Variants in MTUS2 observed in about 807,000 individuals in gnomAD.
The protein encoded by MTUS2 is microtubule-associated tumor suppressor candidate 2.
A neutral mutation model predicts 114.1 loss-of-function variants in MTUS2; 40 were observed. That is an observed-to-expected ratio of 0.35 (90% CI 0.27 to 0.46). MTUS2 has a LOEUF of 0.46. Ranked by LOEUF, MTUS2 falls within the 20% of genes least tolerant of loss-of-function variation. MTUS2 has a pLI of 1.00. For missense variants in MTUS2, 1,679 were observed against 1,705.4 expected (o/e 0.98, Z 0.27); for synonymous variants, 688 against 672.0 (o/e 1.02, Z -0.37).
At chr13:29,326,393 A>G (rs1270133145) in intron 7 of MTUS2, among the ~76,000 whole-genome samples, 1 of 152,242 alleles carries the variant, frequency 6.6e-6, no homozygotes, top group Non-Finnish European at 1.5e-5. Flanking sequence ...CTTATATTCT[A>G]GAGAAAGAGT....
intron 5 of MTUS2, among the ~76,000 whole-genome samples, chr13:29,118,362 C>T (rs185499374): frequency 6.6e-6 from 1 of 152,190 alleles, no homozygotes; most frequent in Non-Finnish European, 1.5e-5. Context: ...GGACACTGGG[C>T]TGGAACCTGG....
intron 2 of MTUS2, among the ~76,000 whole-genome samples, chr13:28,912,339 C>T (rs1880489895): frequency 6.6e-6 from 1 of 152,118 alleles, no homozygotes; most frequent in Non-Finnish European, 1.5e-5. Flanking sequence ...AGTCTTATTT[C>T]TGAGTTCTCT....
At position 29,359,370 on chromosome 13, in the gene MTUS2, G is replaced by A. The variant is rs770405692; in HGVS notation, c.3014G>A (p.Cys1005Tyr). The A allele has an allele frequency of 1.2e-6, 2 of 1,613,264 alleles. No individual in the cohort carries two copies. Among genetic ancestry groups the A allele is most frequent in the Admixed American group, 1.7e-5 (1 of 59,950 alleles). Residue 1005 changes from cysteine to tyrosine, a missense_variant, in exon 8 of 16, where the codon TGT becomes TAT. Physicochemically the swap from Cys to Tyr is radical, Grantham distance 194. Transcript: ENST00000612955. ...CTGGTGCTGCGGCTGAAGGAGCGGT[G>A]TGAGCAGCAGACCAGACAGCTGGGC... ...RQLVLRLKERCEQQTRQLGVA... is the reference protein window; with the variant it reads ...RQLVLRLKERYEQQTRQLGVA...
chr13:29,079,098 T>C (rs1336383084), intron 4 of MTUS2, among the ~76,000 whole-genome samples: 3 of 152,222 alleles, frequency 2.0e-5, no homozygotes, highest in Non-Finnish European at 4.4e-5. Flanking sequence ...TGTCTGTCTT[T>C]TTAATTATAG....
At chr13:28,966,810 C>A (rs1303879277) in intron 2 of MTUS2, among the ~76,000 whole-genome samples, 1 of 151,142 alleles carries the variant, frequency 6.6e-6, no homozygotes, top group African/African-American at 2.4e-5. Context: ...CGTTGCAAAC[C>A]TGGGCTTATA....
At chr13:29,034,210 A>C (rs1281936957) in intron 4 of MTUS2, 85 bp downstream of exon 4, 1 of 1,563,684 alleles carries the variant, frequency 6.4e-7, no homozygotes, top group Non-Finnish European at 8.8e-7. Flanking sequence ...CTAAAATATG[A>C]ATGCCTTTCA....
At chr13:29,206,619 T>C (rs1432730692) in intron 5 of MTUS2, among the ~76,000 whole-genome samples, 1 of 152,238 alleles carries the variant, frequency 6.6e-6, no homozygotes, top group East Asian at 1.9e-4. Context: ...TTCATTCTTC[T>C]GCATGCGGCT....
chr13:28,974,104 A>G (rs1185635575), intron 2 of MTUS2, among the ~76,000 whole-genome samples: 1 of 151,940 alleles, frequency 6.6e-6, no homozygotes, highest in Non-Finnish European at 1.5e-5. Flanking sequence ...TCTGTCTTTG[A>G]TGCTTGTGTG....
intron 8 of MTUS2, among the ~76,000 whole-genome samples, chr13:29,391,744 G>T (rs147609687): frequency 1.3e-5 from 2 of 151,638 alleles, no homozygotes; most frequent in East Asian, 1.9e-4. Flanking sequence ...CAAAAGCTAC[G>T]ATTAAAAGCT....
intron 9 of MTUS2, among the ~76,000 whole-genome samples, chr13:29,452,160 C>T (rs1381581888): frequency 6.6e-6 from 1 of 152,146 alleles, no homozygotes; most frequent in African/African-American, 2.4e-5. Context: ...TGCAAACTCC[C>T]TTAAATGTAC....
At chr13:28,941,983 A>G (rs1651320320) in intron 2 of MTUS2, among the ~76,000 whole-genome samples, 1 of 152,234 alleles carries the variant, frequency 6.6e-6, no homozygotes, top group African/African-American at 2.4e-5. Flanking sequence ...CATGAACATC[A>G]ATCTCATCAG....
chr13:29,046,217 A>G (rs1049980301), intron 4 of MTUS2, among the ~76,000 whole-genome samples: 1 of 151,558 alleles, frequency 6.6e-6, no homozygotes, highest in Non-Finnish European at 1.5e-5. Flanking sequence ...GGCTTGAGCA[A>G]TCCTCTCACC....
At chr13:28,923,107 T>A (rs528484190) in intron 2 of MTUS2, among the ~76,000 whole-genome samples, 1 of 152,354 alleles carries the variant, frequency 6.6e-6, no homozygotes, top group Admixed American at 6.5e-5. Context: ...CTCTCCTTTG[T>A]CATTTCTGCT....
intron 5 of MTUS2, among the ~76,000 whole-genome samples, chr13:29,116,029 A>G (rs1891073445): frequency 6.6e-6 from 1 of 152,210 alleles, no homozygotes; most frequent in Non-Finnish European, 1.5e-5. Context: ...GCATGTAGAT[A>G]TCTGTGAATA....
chr13:29,014,931 A>G (rs1442380550), intron 2 of MTUS2, among the ~76,000 whole-genome samples: 2 of 152,260 alleles, frequency 1.3e-5, no homozygotes, highest in East Asian at 3.8e-4. Context: ...TGCATTCTGC[A>G]TGGACTCTTC....
At chr13:29,032,248 G>A (rs1392044995) in intron 3 of MTUS2, among the ~76,000 whole-genome samples, 1 of 152,104 alleles carries the variant, frequency 6.6e-6, no homozygotes. Flanking sequence ...AAAATGACAG[G>A]CATTGAAGTT....
At position 29,024,712 on chromosome 13, in the gene MTUS2, T is replaced by C; in HGVS notation, c.14T>C (p.Val5Ala). MSVP[V>A]APKKSCYTQL... ...AAAGGGTTGACAATGAGCGTCCCAG[T>C]GGCTCCTAAGAAATCATGTTACACT... Residue 5 changes from valine to alanine, a missense_variant, in exon 3 of 16, where the codon GTG becomes GCG. Around this residue, in one of 3 missense-constraint regions of MTUS2, gnomAD observed 843 missense variants for 770.8 expected, o/e 1.09. Transcript: ENST00000612955. 1.2e-6 allele frequency: 2 copies of C among 1,613,912 alleles called. No individual in the cohort carries two copies. The highest frequency in any genetic ancestry group is 1.7e-6 in the Non-Finnish European group (2 of 1,179,844).
chr13:29,318,597 A>T (rs577516787), intron 6 of MTUS2, among the ~76,000 whole-genome samples: 3 of 152,204 alleles, frequency 2.0e-5, no homozygotes, highest in East Asian at 3.9e-4. Context: ...TCATGTTTTC[A>T]TGGCTCCTTT....
chr13:29,322,962 CAGT>C (rs1404192532), intron 6 of MTUS2, among the ~76,000 whole-genome samples: 1 of 152,116 alleles, frequency 6.6e-6, no homozygotes, highest in Non-Finnish European at 1.5e-5. Context: ...ACTTCAGTGT[CAGT>C]AGGGCATGGG....
Sources: gnomAD v4.1 joint callset for allele counts (sites outside exome capture counted in the v4.1 genomes callset) on GRCh38, gnomAD v4.1.1 for gene constraint, gnomAD v4.1.1 regional missense constraint, MANE v1.5 for transcripts, NCBI Gene and HGNC (gene_info 2026-07-23, HGNC 2026-07-21) for gene names.